TMCC3: variants seen among roughly 807,000 people sequenced by gnomAD.
TMCC3 encodes transmembrane and coiled-coil domain family 3.
Under a neutral mutation model 40.2 loss-of-function variants are expected in TMCC3, and 28 were observed. That is an observed-to-expected ratio of 0.70 (90% CI 0.52 to 0.95). The LOEUF is 0.95. TMCC3 is among the 40% of genes least tolerant of loss of function. The pLI, the probability that TMCC3 is intolerant of heterozygous loss-of-function variation, is 0.00. For missense variants in TMCC3, 554 were observed against 615.2 expected, an observed-to-expected ratio of 0.90 and a Z score of 1.05; for synonymous variants, 255 against 248.5, an observed-to-expected ratio of 1.03 and a Z score of -0.25.
At position 94,569,232 on chromosome 12, in the gene TMCC3, AG is replaced by A. The variant is rs2068512121; in HGVS notation, c.*2202del. ...CACAGATACCAAGAGGGGCCCACCCAGGCCCCAGCTTGATTTAGGAGTGTAA... is the reference window on the plus strand; with the variant it reads ...CACAGATACCAAGAGGGGCCCACCCAGCCCCAGCTTGATTTAGGAGTGTAA... On this transcript the variant is annotated 3_prime_UTR_variant, in exon 4 of 4. Coordinates refer to ENST00000261226, the MANE Select transcript of TMCC3 (RefSeq NM_020698.4). 1 of 152,292 alleles carries A rather than the reference AG, an allele frequency of 6.6e-6. No homozygotes were observed. The allele number at this position is 152,292 out of a possible 1,614,324, so 9.4% of individuals were successfully genotyped here.
chr12:94,578,015 G>A (rs1417248997), intron 3 of TMCC3, among the ~76,000 whole-genome samples: 1 of 151,576 alleles, frequency 6.6e-6, no homozygotes, highest in Non-Finnish European at 1.5e-5. Context: ...CAGGCATGGT[G>A]GCATGTGCCT....
chr12:94,597,168 T>TATATATATATATATATATA (rs1555283339), intron 1 of TMCC3, among the ~76,000 whole-genome samples: 4 of 121,812 alleles, frequency 3.3e-5, no homozygotes, highest in South Asian at 2.7e-4. Context: ...TGTATATAAA[T>TATATATATATATATATATA]TAGCCAGGCC....
At chr12:94,590,744 T>C in intron 1 of TMCC3, 1 of 383,758 alleles carries the variant, frequency 2.6e-6, no homozygotes, top group Admixed American at 3.3e-5. Context: ...CAAGCGGGGT[T>C]GTGTCCTCAC....
At chr12:94,608,135 A>T (rs1744478090) in intron 1 of TMCC3, among the ~76,000 whole-genome samples, 1 of 152,234 alleles carries the variant, frequency 6.6e-6, no homozygotes, top group Non-Finnish European at 1.5e-5. Flanking sequence ...ATAATATCTA[A>T]TCAGAGGCAA....
At position 94,650,555 on chromosome 12, in the gene TMCC3, T is replaced by A; in HGVS notation, c.-125A>T. 1 of 766,266 alleles carries A rather than the reference T, an allele frequency of 1.3e-6. No individual in the cohort carries two copies. Among genetic ancestry groups the A allele is most frequent in the Non-Finnish European group, 1.7e-6 (1 of 579,030 alleles). The allele number at this position is 766,266 out of a possible 1,614,324, so 47.5% of individuals were successfully genotyped here. ...CGGCGCGGCTGCTGCAGCTGTTGCC[T>A]CTGGTGCCAACACCCGCGCGGCCGC... On this transcript the variant is annotated 5_prime_UTR_variant, in exon 1 of 4. Coordinates refer to ENST00000261226, the MANE Select transcript of TMCC3 (RefSeq NM_020698.4).
At chr12:94,650,297 C>A in intron 1 of TMCC3, 56 bp downstream of exon 1, 1 of 1,130,134 alleles carries the variant, frequency 8.8e-7, no homozygotes, top group Non-Finnish European at 1.1e-6. Flanking sequence ...GCCGCCCCAG[C>A]CCGCCTCGCC....
rs2068499921 is a variant in TMCC3 at position 94,567,220 on chromosome 12, A to C, written c.*4215T>G. ...CACCTGCTTTGGATTCATTGATGAC[A>C]CCACAATGGGGTGAAGATCTACAGG... On this transcript the variant is annotated 3_prime_UTR_variant, in exon 4 of 4. Coordinates refer to ENST00000261226, the MANE Select transcript of TMCC3 (RefSeq NM_020698.4). 6.6e-6 allele frequency: 1 copy of C among 152,250 alleles called. No individual in the cohort carries two copies. Among genetic ancestry groups the C allele is most frequent in the African/African-American group, 2.4e-5 (1 of 41,468 alleles). 9.4% of individuals were successfully genotyped at this position (152,250 alleles called of 1,614,324 possible). A position where few individuals can be genotyped will look rare whatever the true frequency, so the allele number is the denominator to read the frequency against.
intron 1 of TMCC3, chr12:94,590,883 C>T (rs140962529): frequency 8.7e-6 from 5 of 574,970 alleles, no homozygotes; most frequent in Admixed American, 1.9e-5. Context: ...TGGATGTTAT[C>T]GGGCTCAGCC....
chr12:94,601,632 C>G (rs892287546), intron 1 of TMCC3, among the ~76,000 whole-genome samples: 10 of 151,460 alleles, frequency 6.6e-5, no homozygotes, highest in Non-Finnish European at 1.5e-4. Context: ...TGAGACCAGC[C>G]TGGCCAACCC....
At chr12:94,579,394 C>T (rs915339221) in intron 2 of TMCC3, among the ~76,000 whole-genome samples, 12 of 152,168 alleles carry the variant, frequency 7.9e-5, no homozygotes, top group Non-Finnish European at 1.8e-4. Flanking sequence ...ATAATCCCAG[C>T]TACTCGGGAG....
rs137904510 is a variant in TMCC3, at chr12:94,571,466, C to T, written c.1403G>A (p.Cys468Tyr). ...TGGTATTATCATCCTTTCTATGGCA[C>T]ACAGGATATGGTCCCAGTTTTTACA... ...IFCKNWDHIL[C>Y]AIERMIIPR Residue 468 changes from cysteine (C) to tyrosine (Y), a missense_variant, in exon 4 of 4, where the codon TGT (cysteine) becomes TAT (tyrosine). Cys to Tyr is a radical substitution (Grantham distance 194). Transcript: ENST00000261226. 1.9e-6 allele frequency: 3 copies of T among 1,613,960 alleles called. No homozygotes were observed. Among genetic ancestry groups the T allele is most frequent in the Non-Finnish European group, 2.5e-6 (3 of 1,179,982 alleles).
chr12:94,639,458 CT>C (rs1425406174), intron 1 of TMCC3, among the ~76,000 whole-genome samples: 1 of 151,978 alleles, frequency 6.6e-6, no homozygotes, highest in East Asian at 1.9e-4. Flanking sequence ...TGGTGGGCAC[CT>C]GTAGTTCCAG....
intron 1 of TMCC3, chr12:94,616,165 C>CA (rs2068847012): frequency 1.1e-6 from 1 of 875,244 alleles, no homozygotes; most frequent in Non-Finnish European, 1.4e-6. Flanking sequence ...GCACCGTATT[C>CA]AACACATTGC....
At chr12:94,618,973 G>A (rs1407827284) in intron 1 of TMCC3, among the ~76,000 whole-genome samples, 2 of 152,164 alleles carry the variant, frequency 1.3e-5, no homozygotes, top group African/African-American at 4.8e-5. Flanking sequence ...GATGGAATCT[G>A]CCATTGAGGT....
rs184180111 is a variant in TMCC3 at position 94,615,541 on chromosome 12, C to A, written c.79-33003G>T. Among the ~76,000 whole-genome samples, 276 of 152,282 alleles carry A rather than the reference C, an allele frequency of 1.8e-3. 2 individuals are homozygous for A. The highest frequency in any genetic ancestry group is 6.5e-3 in the African/African-American group (272 of 41,548). On this transcript the variant is annotated intron_variant, in intron 1 of 3. Coordinates refer to ENST00000261226, the MANE Select transcript of TMCC3 (RefSeq NM_020698.4). Reference sequence around the variant, plus strand: ...GATATTAAAGTACAAAGTTAGATTCCAACTCAGAGCCTGGTTAGACCCGGG... The same window carrying A: ...GATATTAAAGTACAAAGTTAGATTCAAACTCAGAGCCTGGTTAGACCCGGG...
chr12:94,578,044 G>A (rs1391891156), intron 3 of TMCC3, among the ~76,000 whole-genome samples: 1 of 150,510 alleles, frequency 6.6e-6, no homozygotes, highest in East Asian at 2.0e-4. Flanking sequence ...AGCTACTCAG[G>A]AGGCTGAGGC....
In TMCC3 at chr12:94,582,132, T is replaced by C; in HGVS notation, c.485A>G (p.Asp162Gly). Reference protein sequence around the residue: ...SKDISKDHLKDIHRSLKDAHV... With the variant: ...SKDISKDHLKGIHRSLKDAHV... ...GGCATCTTTCAAAGAGCGATGTATA[T>C]CCTTCAGGTGGTCTTTGGAAATGTC... Residue 162 changes from aspartate to glycine, a missense_variant, in exon 2 of 4, where the codon GAT becomes GGT. Physicochemically the swap from Asp to Gly is moderately conservative, Grantham distance 94. Transcript: ENST00000261226. 3.7e-6 allele frequency: 6 copies of C among 1,614,160 alleles called. No individual in the cohort carries two copies. The highest frequency in any genetic ancestry group is 5.1e-6 in the Non-Finnish European group (6 of 1,180,028).
chr12:94,644,903 T>C (rs2138888293), intron 1 of TMCC3, among the ~76,000 whole-genome samples: 1 of 152,336 alleles, frequency 6.6e-6, no homozygotes, highest in East Asian at 1.9e-4. Context: ...TGTAGATGGA[T>C]TTCCAAACCA....
chr12:94,625,593 CAAA>C (rs540684724), intron 1 of TMCC3, among the ~76,000 whole-genome samples: 3 of 105,056 alleles, frequency 2.9e-5, no homozygotes, highest in Admixed American at 1.0e-4. Context: ...GACTCCATCT[CAAA>C]AAAAAAAAAA....
Sources: gnomAD v4.1 joint callset for allele counts (sites outside exome capture counted in the v4.1 genomes callset) on GRCh38, gnomAD v4.1.1 for gene constraint, MANE v1.5 for transcripts, NCBI Gene and HGNC (gene_info 2026-07-23, HGNC 2026-07-21) for gene names.